MDN1: variants seen among roughly 807,000 people sequenced by gnomAD.
The protein encoded by MDN1 is midasin.
A neutral mutation model predicts 669.2 loss-of-function variants in MDN1; 266 were observed. That is an observed-to-expected ratio of 0.40 (90% confidence interval 0.36 to 0.44). The LOEUF is 0.44. MDN1 is among the 20% of genes least tolerant of loss of function. The pLI, the probability that MDN1 is intolerant of heterozygous loss-of-function variation, is 1.00. For synonymous variants in MDN1, 2,385 were observed against 2,457.1 expected, an observed-to-expected ratio of 0.97 and a Z score of 0.87; for missense variants, 5,940 against 6,754.0, an observed-to-expected ratio of 0.88 and a Z score of 4.22.
In MDN1 at chr6:89,676,217, A is replaced by G. The variant is rs1451972045; in HGVS notation, c.12540-10T>C. ...GATTTCTGTAAGCAGCCTGGAAAAGATATCAACATTGTTTACTTAATTAAA... is the reference window on the plus strand; with the variant it reads ...GATTTCTGTAAGCAGCCTGGAAAAGGTATCAACATTGTTTACTTAATTAAA... On this transcript the variant is annotated splice_polypyrimidine_tract_variant and intron_variant, in intron 76 of 101. Coordinates refer to ENST00000369393, the MANE Select transcript of MDN1 (RefSeq NM_014611.3). 1.9e-6 allele frequency: 3 copies of G among 1,612,234 alleles called. No individual in the cohort carries two copies. Among genetic ancestry groups the G allele is most frequent in the Non-Finnish European group, 2.5e-6 (3 of 1,178,252 alleles).
intron 24 of MDN1, among the ~76,000 whole-genome samples, chr6:89,749,984 A>G (rs1183934466): frequency 6.6e-6 from 1 of 152,212 alleles, no homozygotes; most frequent in Non-Finnish European, 1.5e-5. Flanking sequence ...AAAATACCTC[A>G]TATTTCTTGT....
intron 19 of MDN1, among the ~76,000 whole-genome samples, chr6:89,756,917 T>C (rs970560642): frequency 2.7e-5 from 4 of 147,380 alleles, no homozygotes; most frequent in African/African-American, 1.0e-4. Context: ...GGAGACTCCA[T>C]CTCAAAAAAA....
At chr6:89,761,560 G>A (rs1817547910) in intron 17 of MDN1, 85 bp downstream of exon 17, 8 of 931,754 alleles carry the variant, frequency 8.6e-6, no homozygotes, top group Non-Finnish European at 1.1e-5. Flanking sequence ...ATTTCATTAA[G>A]ACAATACAAA....
intron 37 of MDN1, among the ~76,000 whole-genome samples, chr6:89,725,936 C>T (rs796117326): frequency 1.3e-4 from 2 of 15,818 alleles, no homozygotes; most frequent in Admixed American, 1.3e-3. Context: ...TTTATACACA[C>T]ACACACACAC....
In MDN1 at chr6:89,675,486, T is replaced by C. The variant is rs1391982475; in HGVS notation, c.12739A>G (p.Ser4247Gly). Residue 4247 changes from serine to glycine, a missense_variant, in exon 78 of 102, where the codon AGT (serine) becomes GGT (glycine). Coordinates refer to ENST00000369393, the MANE Select transcript of MDN1 (RefSeq NM_014611.3). ...VRQRRSLTTL[S>G]EQWIILRNLL... Reference sequence around the variant, plus strand: ...TACCTGAGGATGATCCACTGCTCACTGAGCGTGGTCAGGGAGCGCCGCTGT... The same window carrying C: ...TACCTGAGGATGATCCACTGCTCACCGAGCGTGGTCAGGGAGCGCCGCTGT... 3.1e-6 allele frequency: 5 copies of C among 1,613,564 alleles called. No homozygotes were observed. In the African/African-American group the frequency reaches 4.0e-5, roughly 13 times the overall value.
Position 89,673,368 on chromosome 6 carries a change from T to C in MDN1, c.13342A>G (p.Met4448Val), listed in dbSNP as rs1810963223. 10 of 1,614,094 alleles carry C rather than the reference T, an allele frequency of 6.2e-6. No individual in the cohort carries two copies. The highest frequency in any genetic ancestry group is 1.1e-5 in the South Asian group (1 of 91,076). Residue 4448 changes from methionine (M) to valine (V), a missense_variant, in exon 80 of 102, where the codon ATG becomes GTG. Physicochemically the swap from Met to Val is conservative, Grantham distance 21 (BLOSUM62 1). This residue lies in a region of MDN1 where 2,280 missense variants were observed against 2,576.3 expected (regional missense o/e 0.88). Transcript: ENST00000369393. ...GLESLFILPG[M>V]EVEQRDSQMA... ...TGTGAGTCTCTTTGCTCAACCTCCATCCCTGGAAGAATGAACAAGGACTCT... is the reference window on the plus strand; with the variant it reads ...TGTGAGTCTCTTTGCTCAACCTCCACCCCTGGAAGAATGAACAAGGACTCT...
rs1043133057 is a variant in MDN1 at position 89,643,114 on chromosome 6, A to AGAT, written c.*888_*890dup. On this transcript the variant is annotated 3_prime_UTR_variant, in exon 102 of 102. Coordinates refer to ENST00000369393, the MANE Select transcript of MDN1 (RefSeq NM_014611.3). ...TCAGTTTCTTTCGACTGGAAAAAAT[A>AGAT]GATGGAGCTGCTGAGTTCTGGACAC... 34 of 152,238 alleles carry AGAT rather than the reference A, an allele frequency of 2.2e-4. No individual in the cohort carries two copies. Among genetic ancestry groups the AGAT allele is most frequent in the African/African-American group, 7.5e-4 (31 of 41,472 alleles). 9.4% of individuals were successfully genotyped at this position (152,238 alleles called of 1,614,324 possible).
In MDN1 at chr6:89,652,215, G is replaced by A. The variant is rs753060753; in HGVS notation, c.15892C>T (p.Arg5298Cys). ...LERQLEMWQP[R>C]ESGNPEEEKV... ...ACCTCCTCTGGGTTTCCAGATTCAC[G>A]TGGCTGCCACATTTCCAGCTGTCTC... The change falls in exon 95 of 102, where the codon CGT becomes TGT. Residue 5298 changes from arginine to cysteine, a missense_variant. Coordinates refer to ENST00000369393, the MANE Select transcript of MDN1 (RefSeq NM_014611.3). 2.0e-5 allele frequency: 32 copies of A among 1,613,690 alleles called. No individual in the cohort carries two copies. The highest frequency in any genetic ancestry group is 3.3e-5 in the Admixed American group (2 of 59,938).
In MDN1 at chr6:89,819,702, A is replaced by C. The variant is rs1304816798; in HGVS notation, c.-95T>G. On this transcript the variant is annotated 5_prime_UTR_variant, in exon 1 of 102. Transcript: ENST00000369393. ...AGGTCCCAGTGCCCGAGCAGCCAGCAACTACGCCCGCAGGAAAGGCGTCCT... is the reference window on the plus strand; with the variant it reads ...AGGTCCCAGTGCCCGAGCAGCCAGCCACTACGCCCGCAGGAAAGGCGTCCT... The C allele has an allele frequency of 1.0e-6, 1 of 997,228 alleles. No individual in the cohort carries two copies. Among genetic ancestry groups the C allele is most frequent in the Non-Finnish European group, 1.6e-6 (1 of 641,950 alleles). The allele number at this position is 997,228 out of a possible 1,614,324, so 61.8% of individuals were successfully genotyped here.
At chr6:89,651,081 C>T (rs557781283) in intron 95 of MDN1, among the ~76,000 whole-genome samples, 3 of 151,438 alleles carry the variant, frequency 2.0e-5, no homozygotes, top group African/African-American at 7.3e-5. Context: ...TTTGGGAGGC[C>T]GAGGCGGGTG....
intron 1 of MDN1, among the ~76,000 whole-genome samples, chr6:89,803,774 G>A (rs1172179237): frequency 1.3e-5 from 2 of 151,342 alleles, no homozygotes; most frequent in African/African-American, 4.9e-5. Context: ...GTAGAGACGG[G>A]GTTTCACCAT....
chr6:89,716,341 A>AAC (rs1264373343), intron 44 of MDN1, among the ~76,000 whole-genome samples: 2 of 152,214 alleles, frequency 1.3e-5, no homozygotes, highest in African/African-American at 4.8e-5. Context: ...AAGAAACCCT[A>AAC]ACAAAAGGAA....
In MDN1 at chr6:89,700,154, T is replaced by C; in HGVS notation, c.8779A>G (p.Ser2927Gly). Residue 2927 changes from serine (S) to glycine (G), a missense_variant, in exon 57 of 102, where the codon AGT (serine) becomes GGT (glycine). Transcript: ENST00000369393. Reference protein sequence around the residue: ...DLTSVIHLTRSVQLWPAMEYL... With the variant: ...DLTSVIHLTRGVQLWPAMEYL... ...TCCATTGCAGGCCACAACTGAACAC[T>C]CCTGGTGAGGTGGATTACGGAGGTC... 1 of 1,614,152 alleles carries C rather than the reference T, an allele frequency of 6.2e-7. No individual in the cohort carries two copies. Among genetic ancestry groups the C allele is most frequent in the Non-Finnish European group, 8.5e-7 (1 of 1,180,012 alleles).
intron 40 of MDN1, among the ~76,000 whole-genome samples, chr6:89,719,553 T>C (rs920734262): frequency 6.6e-6 from 1 of 152,198 alleles, no homozygotes; most frequent in Non-Finnish European, 1.5e-5. Flanking sequence ...GCTTTCATCA[T>C]TGAAGATACT....
chr6:89,776,713 G>A lies in MDN1; in HGVS notation c.1726-18C>T. On this transcript the variant is annotated intron_variant, in intron 11 of 101. Coordinates refer to ENST00000369393, the MANE Select transcript of MDN1 (RefSeq NM_014611.3). ...TCTAGAGCCTATTAAAATAACCAAGGTAAATGCTGACTGATTTTTAAAATA... is the reference window on the plus strand; with the variant it reads ...TCTAGAGCCTATTAAAATAACCAAGATAAATGCTGACTGATTTTTAAAATA... 6.6e-7 allele frequency: 1 copy of A among 1,506,296 alleles called. No individual in the cohort carries two copies. The allele number at this position is 1,506,296 out of a possible 1,614,324, so 93.3% of individuals were successfully genotyped here.
intron 17 of MDN1, 44 bp downstream of exon 17, chr6:89,761,601 T>C: frequency 7.2e-7 from 1 of 1,393,858 alleles, no homozygotes; most frequent in Non-Finnish European, 1.0e-6. Flanking sequence ...TTGTTTTGCA[T>C]AAAATCAACG....
chr6:89,644,220 G>C, intron 101 of MDN1, 27 bp from the exon 102 acceptor site: 1 of 1,572,870 alleles, frequency 6.4e-7, no homozygotes. Flanking sequence ...TTTTGAAATG[G>C]GGAGGCAGCG....
intron 11 of MDN1, among the ~76,000 whole-genome samples, chr6:89,779,204 C>A (rs1328709151): frequency 6.6e-6 from 1 of 152,130 alleles, no homozygotes; most frequent in Non-Finnish European, 1.5e-5. Context: ...AATGGCTGGT[C>A]TCAAATTCAG....
At position 89,758,312 on chromosome 6, in the gene MDN1, C is replaced by G. The variant is rs1477423468; in HGVS notation, c.2645G>C (p.Cys882Ser). 1 of 1,611,994 alleles carries G rather than the reference C, an allele frequency of 6.2e-7. No homozygotes were observed. The highest frequency in any genetic ancestry group is 1.7e-5 in the Admixed American group (1 of 59,870). ...VRHPDFRLFA[C>S]MNPATDVGKR... Reference sequence around the variant, plus strand: ...GCCTACATCAGTTGCTGGATTCATACAGGCAAATAAACGGAAGTCAGGATG... The same window carrying G: ...GCCTACATCAGTTGCTGGATTCATAGAGGCAAATAAACGGAAGTCAGGATG... The change falls in exon 19 of 102, where the codon TGT (cysteine) becomes TCT (serine). Residue 882 changes from cysteine to serine, a missense_variant. Physicochemically the swap from Cys to Ser is moderately radical, Grantham distance 112. Transcript: ENST00000369393.
Sources: allele counts gnomAD v4.1 joint callset (sites outside exome capture counted in the v4.1 genomes callset), GRCh38; gene constraint gnomAD v4.1.1; regional missense constraint gnomAD v4.1.1; transcripts MANE v1.5; gene names NCBI Gene and HGNC (gene_info 2026-07-23, HGNC 2026-07-21).